The following GRM8 variants were observed in gnomAD, a reference collection of about 807,000 sequenced individuals.
GRM8 encodes metabotropic glutamate receptor 8.
Under a neutral mutation model 87.2 loss-of-function variants are expected in GRM8, and 47 were observed. That is an observed-to-expected ratio of 0.54 (90% CI 0.43 to 0.69). The LOEUF (loss-of-function observed/expected upper bound fraction) is 0.69, where lower values mean the gene tolerates loss of function less well. GRM8 is among the 30% of genes least tolerant of loss of function. The pLI, the probability that GRM8 is intolerant of heterozygous loss-of-function variation, is 0.00. For synonymous variants in GRM8, 396 were observed against 404.5 expected (o/e 0.98, Z 0.25); for missense variants, 1,019 against 1,139.2 (o/e 0.89, Z 1.52).
chr7:126,844,122 A>G (rs1259556766), intron 6 of GRM8, among the ~76,000 whole-genome samples: 1 of 152,232 alleles, frequency 6.6e-6, no homozygotes, highest in Non-Finnish European at 1.5e-5. Context: ...GTCAATTGGA[A>G]TCTACTGACA....
At chr7:127,176,160 A>G (rs1185338379) in intron 2 of GRM8, among the ~76,000 whole-genome samples, 1 of 152,184 alleles carries the variant, frequency 6.6e-6, no homozygotes, top group African/African-American at 2.4e-5. Context: ...CAAACTCTAG[A>G]CCACTATTAA....
intron 8 of GRM8, among the ~76,000 whole-genome samples, chr7:126,548,472 C>T (rs896374577): frequency 5.3e-5 from 8 of 151,884 alleles, no homozygotes; most frequent in Non-Finnish European, 1.0e-4. Flanking sequence ...TTAAAAATTA[C>T]GGTTACTAGC....
At chr7:126,963,951 C>G (rs763172910) in intron 3 of GRM8, among the ~76,000 whole-genome samples, 1 of 152,128 alleles carries the variant, frequency 6.6e-6, no homozygotes, top group Non-Finnish European at 1.5e-5. Context: ...CAACATAGTA[C>G]TAGTACTAAA....
chr7:126,815,264 C>G (rs1270065454), intron 6 of GRM8, among the ~76,000 whole-genome samples: 1 of 152,110 alleles, frequency 6.6e-6, no homozygotes, highest in Non-Finnish European at 1.5e-5. Context: ...TTCTATAAAT[C>G]ATCAAGGCTG....
intron 2 of GRM8, among the ~76,000 whole-genome samples, chr7:127,126,384 G>A (rs957189815): frequency 1.8e-4 from 28 of 151,996 alleles, no homozygotes; most frequent in Admixed American, 1.8e-3. Flanking sequence ...GAAACAGAAA[G>A]TCAAGTATCC....
At chr7:126,601,760 C>T (rs1230727549) in intron 8 of GRM8, among the ~76,000 whole-genome samples, 10 of 146,392 alleles carry the variant, frequency 6.8e-5, no homozygotes, top group Non-Finnish European at 1.4e-4. Context: ...ATGTCCTTTG[C>T]CCACTTTTTG....
chr7:126,936,208 C>T (rs934373213), intron 3 of GRM8, among the ~76,000 whole-genome samples: 5 of 152,136 alleles, frequency 3.3e-5, no homozygotes, highest in East Asian at 3.9e-4. Flanking sequence ...GAACTTAAAA[C>T]GTTTGATCAC....
intron 7 of GRM8, among the ~76,000 whole-genome samples, chr7:126,704,120 C>A (rs1810236313): frequency 6.6e-6 from 1 of 152,056 alleles, no homozygotes; most frequent in African/African-American, 2.4e-5. Flanking sequence ...GTCAGGGACC[C>A]CGAATGGAGG....
chr7:127,225,586 C>T (rs900987415), intron 2 of GRM8, among the ~76,000 whole-genome samples: 1 of 151,392 alleles, frequency 6.6e-6, no homozygotes, highest in Admixed American at 6.6e-5. Flanking sequence ...GTGCCCCAAA[C>T]GCTTAAATGA....
chr7:126,690,386 A>C (rs1269909429), intron 7 of GRM8, among the ~76,000 whole-genome samples: 1 of 152,138 alleles, frequency 6.6e-6, no homozygotes, highest in Admixed American at 6.5e-5. Flanking sequence ...AGGCACCTGC[A>C]TGGGTGCCAC....
intron 3 of GRM8, among the ~76,000 whole-genome samples, chr7:127,006,779 T>C (rs533215673): frequency 6.6e-6 from 1 of 152,146 alleles, no homozygotes; most frequent in South Asian, 2.1e-4. Flanking sequence ...TTCTTTATAC[T>C]TAGTTCTCAC....
intron 8 of GRM8, among the ~76,000 whole-genome samples, chr7:126,548,381 A>T (rs747584634): frequency 1.1e-4 from 17 of 152,356 alleles, no homozygotes; most frequent in Admixed American, 4.6e-4. Context: ...GTTTGGGAGA[A>T]ATCGTCCTTA....
chr7:126,793,553 T>C (rs1482756716), intron 6 of GRM8, among the ~76,000 whole-genome samples: 1 of 152,184 alleles, frequency 6.6e-6, no homozygotes, highest in Non-Finnish European at 1.5e-5. Flanking sequence ...ATAAACCTGA[T>C]TTCCTAGTTT....
chr7:126,443,030 T>C (rs1175311761), intron 10 of GRM8, among the ~76,000 whole-genome samples: 1 of 152,034 alleles, frequency 6.6e-6, no homozygotes, highest in East Asian at 1.9e-4. Flanking sequence ...ACGGTGCTGA[T>C]GAATATGCTC....
intron 8 of GRM8, among the ~76,000 whole-genome samples, chr7:126,597,195 C>G (rs561188359): frequency 1.3e-4 from 20 of 152,200 alleles, no homozygotes; most frequent in Admixed American, 2.0e-4. Context: ...TTTGGCTCTC[C>G]TCCCTCAGTT....
intron 9 of GRM8, among the ~76,000 whole-genome samples, chr7:126,478,768 C>T (rs1806300262): frequency 6.6e-6 from 1 of 151,994 alleles, no homozygotes. Flanking sequence ...CTAGGTCGAA[C>T]ACTAAATGGC....
chr7:126,756,447 C>G (rs1240185128), intron 7 of GRM8, among the ~76,000 whole-genome samples: 2 of 151,958 alleles, frequency 1.3e-5, no homozygotes, highest in Non-Finnish European at 2.9e-5. Flanking sequence ...AAAACTTCTG[C>G]TCTAGAAAAG....
chr7:126,826,802 C>T (rs1369865085), intron 6 of GRM8, among the ~76,000 whole-genome samples: 1 of 152,022 alleles, frequency 6.6e-6, no homozygotes, highest in African/African-American at 2.4e-5. Context: ...ATGCCTATGT[C>T]CTGAATGGTA....
chr7:127,026,516 T>C (rs1196158831), intron 3 of GRM8, among the ~76,000 whole-genome samples: 1 of 152,186 alleles, frequency 6.6e-6, no homozygotes, highest in African/African-American at 2.4e-5. Context: ...ATCTGTTGTT[T>C]CCTGACGTTT....
Sources: allele counts gnomAD v4.1 joint callset (sites outside exome capture counted in the v4.1 genomes callset), GRCh38; gene constraint gnomAD v4.1.1; transcripts MANE v1.5; gene names NCBI Gene and HGNC (gene_info 2026-07-23, HGNC 2026-07-21).